DLG1: variants seen among roughly 807,000 people sequenced by gnomAD.
The protein encoded by DLG1 is discs large MAGUK scaffold protein 1, also known as disks large homolog 1.
Under a neutral mutation model 123.4 loss-of-function variants are expected in DLG1, and 42 were observed. The observed-to-expected ratio is 0.34, with a 90% CI of 0.27 to 0.44. The LOEUF (loss-of-function observed/expected upper bound fraction) is 0.44. DLG1 is among the 20% of genes least tolerant of loss of function. The probability of loss-of-function intolerance (pLI) is 1.00; values close to 1 mark genes in which losing one functional copy is unlikely to be tolerated. For synonymous variants in DLG1, 317 were observed against 356.2 expected, an observed-to-expected ratio of 0.89 and a Z score of 1.24; for missense variants, 942 against 1,082.6, an observed-to-expected ratio of 0.87 and a Z score of 1.82.
chr3:197,153,860 A>G (rs1300778359), intron 5 of DLG1, among the ~76,000 whole-genome samples: 1 of 152,168 alleles, frequency 6.6e-6, no homozygotes, highest in Non-Finnish European at 1.5e-5. Flanking sequence ...ACAATCAGAA[A>G]AACAATAACA....
intron 5 of DLG1, among the ~76,000 whole-genome samples, chr3:197,161,071 A>G (rs561624266): frequency 7.9e-5 from 12 of 152,336 alleles, no homozygotes; most frequent in African/African-American, 2.9e-4. Context: ...AAACTGTTAC[A>G]CATAATTTTT....
intron 4 of DLG1, among the ~76,000 whole-genome samples, chr3:197,236,854 A>G (rs1578483223): frequency 1.3e-5 from 2 of 152,360 alleles, no homozygotes; most frequent in East Asian, 1.9e-4. Flanking sequence ...TCATCTTTCA[A>G]AATAAATATA....
intron 10 of DLG1, 44 bp from the exon 11 acceptor site, chr3:197,130,715 C>A (rs778862209): frequency 1.4e-6 from 2 of 1,447,164 alleles, no homozygotes; most frequent in South Asian, 1.4e-5. Flanking sequence ...TTCACTTGTT[C>A]TCTGAGTTTT....
At chr3:197,157,906 G>A (rs756061455) in intron 5 of DLG1, among the ~76,000 whole-genome samples, 2 of 152,048 alleles carry the variant, frequency 1.3e-5, no homozygotes, top group Non-Finnish European at 1.5e-5. Context: ...AACCTACAAT[G>A]GATCATGATC....
chr3:197,212,819 A>G (rs1036226844), intron 4 of DLG1, among the ~76,000 whole-genome samples: 1 of 152,210 alleles, frequency 6.6e-6, no homozygotes, highest in African/African-American at 2.4e-5. Context: ...CAAAACACTT[A>G]ACAAAAGAAG....
intron 5 of DLG1, among the ~76,000 whole-genome samples, chr3:197,151,095 T>C (rs1793630476): frequency 6.6e-6 from 1 of 152,156 alleles, no homozygotes; most frequent in African/African-American, 2.4e-5. Context: ...ATTTTATGAA[T>C]ATTTCAAATT....
intron 5 of DLG1, among the ~76,000 whole-genome samples, chr3:197,171,930 T>C (rs1209444272): frequency 6.6e-6 from 1 of 152,104 alleles, no homozygotes; most frequent in Non-Finnish European, 1.5e-5. Flanking sequence ...TTCCCAGTAA[T>C]CAGATTTGCC....
At chr3:197,089,015 A>G (rs1756073919) in intron 15 of DLG1, among the ~76,000 whole-genome samples, 1 of 152,224 alleles carries the variant, frequency 6.6e-6, no homozygotes, top group Non-Finnish European at 1.5e-5. Flanking sequence ...GTTCTCATCT[A>G]CCATGGTTGT....
At chr3:197,147,734 G>C (rs1227072669) in intron 6 of DLG1, among the ~76,000 whole-genome samples, 4 of 151,884 alleles carry the variant, frequency 2.6e-5, no homozygotes, top group African/African-American at 4.8e-5. Context: ...CTGCTCAGAT[G>C]ATGGGTGCAC....
intron 6 of DLG1, among the ~76,000 whole-genome samples, chr3:197,145,055 T>TCTCACACACACA (rs1553956085): frequency 6.7e-6 from 1 of 148,634 alleles, no homozygotes; most frequent in Non-Finnish European, 1.5e-5. Context: ...TCTCTCTCTC[T>TCTCACACACACA]CACACACACA....
intron 23 of DLG1, among the ~76,000 whole-genome samples, chr3:197,057,399 C>G (rs187494209): frequency 6.6e-6 from 1 of 152,312 alleles, no homozygotes; most frequent in East Asian, 1.9e-4. Context: ...ACTATTTGAA[C>G]AGTACTGTCA....
At chr3:197,136,439 A>C (rs1785084565) in intron 10 of DLG1, 103 bp downstream of exon 10, 1 of 888,316 alleles carries the variant, frequency 1.1e-6, no homozygotes, top group Non-Finnish European at 1.7e-6. Flanking sequence ...TTGCTAATTT[A>C]AACATCATTT....
intron 4 of DLG1, among the ~76,000 whole-genome samples, chr3:197,271,681 G>C (rs1166481478): frequency 6.6e-6 from 1 of 152,074 alleles, no homozygotes; most frequent in East Asian, 1.9e-4. Context: ...ATTTTGAATA[G>C]AGATTGGAGA....
intron 3 of DLG1, among the ~76,000 whole-genome samples, chr3:197,288,743 A>AAAAAAAAAACATACATAC (rs1553827364): frequency 6.9e-5 from 5 of 72,100 alleles, no homozygotes; most frequent in Non-Finnish European, 1.2e-4. Flanking sequence ...AAAAAAAAAA[A>AAAAAAAAAACATACATAC]ATACATACAT....
chr3:197,296,237 C>T, intron 3 of DLG1, 109 bp downstream of exon 3: 1 of 1,083,232 alleles, frequency 9.2e-7, no homozygotes, highest in Non-Finnish European at 1.3e-6. Context: ...GTTCAAGTTA[C>T]CGAATGCCTC....
Position 197,216,369 on chromosome 3 carries a change from T to A in DLG1, c.319-21780A>T, listed in dbSNP as rs191594839. On this transcript the variant is annotated intron_variant, in intron 4 of 24. Coordinates refer to ENST00000667157, the MANE Select transcript of DLG1 (RefSeq NM_001366207.1). ...TTCAATGATTTGCTGGCAGGACTTA[T>A]GAGAGTGAGTCATATTCACAGATAT... 2.4e-4 allele frequency among the ~76,000 whole-genome samples: 36 copies of A among 152,258 alleles called. No individual in the cohort carries two copies. The East Asian group carries it at 6.6e-3, about 28-fold the overall frequency.
intron 14 of DLG1, among the ~76,000 whole-genome samples, chr3:197,095,000 T>G (rs1376515690): frequency 6.6e-6 from 1 of 152,248 alleles, no homozygotes; most frequent in East Asian, 1.9e-4. Flanking sequence ...ATTTCTTGTC[T>G]ATGCATTTTC....
chr3:197,058,851 G>C (rs979765724), intron 23 of DLG1, among the ~76,000 whole-genome samples: 6 of 152,116 alleles, frequency 3.9e-5, no homozygotes, highest in Non-Finnish European at 7.4e-5. Flanking sequence ...TTTTTGTTTT[G>C]AGAATGCTAT....
intron 5 of DLG1, among the ~76,000 whole-genome samples, chr3:197,165,258 G>C (rs1469022729): frequency 6.6e-6 from 1 of 152,128 alleles, no homozygotes. Flanking sequence ...CAATTATTAT[G>C]ATCTTTAAGT....
Sources: gnomAD v4.1 joint callset for allele counts (sites outside exome capture counted in the v4.1 genomes callset) on GRCh38, gnomAD v4.1.1 for gene constraint, MANE v1.5 for transcripts, NCBI Gene and HGNC (gene_info 2026-07-23, HGNC 2026-07-21) for gene names.